PSEN1: variants seen among roughly 807,000 people sequenced by gnomAD.
PSEN1 encodes the protein presenilin-1.
In PSEN1, 15 loss-of-function variants were observed where a neutral mutation model predicts 53.5. That is an observed-to-expected ratio of 0.28 (90% CI 0.19 to 0.43). The LOEUF (loss-of-function observed/expected upper bound fraction) is 0.43. PSEN1 is among the 20% of genes least tolerant of loss of function. PSEN1 has a pLI of 1.00. For missense variants in PSEN1, 387 were observed against 571.2 expected (o/e 0.68, Z 3.29); for synonymous variants, 208 against 209.8 (o/e 0.99, Z 0.08).
intron 1 of PSEN1, among the ~76,000 whole-genome samples, chr14:73,138,517 C>T (rs1397423892): frequency 6.6e-6 from 1 of 151,628 alleles, no homozygotes; most frequent in African/African-American, 2.4e-5. Flanking sequence ...CCCTGCCCGG[C>T]CGGCTATTTA....
In PSEN1 at chr14:73,147,135, G is replaced by A. The variant is rs567210692; in HGVS notation, c.-135-660G>A. On this transcript the variant is annotated intron_variant, in intron 1 of 11. Coordinates refer to ENST00000324501, the MANE Select transcript of PSEN1 (RefSeq NM_000021.4). ...TGAGTAGCTGGGATTACAGATGCGC[G>A]CCACCACACCCGGCTAATTTTTGTA... Among the ~76,000 whole-genome samples the A allele has an allele frequency of 2.0e-5, 3 of 151,134 alleles. No homozygotes were observed. In the South Asian group the frequency reaches 6.3e-4, roughly 32 times the overall value.
intron 3 of PSEN1, among the ~76,000 whole-genome samples, chr14:73,155,598 G>A (rs1897331854): frequency 1.3e-5 from 2 of 151,994 alleles, no homozygotes; most frequent in African/African-American, 4.8e-5. Flanking sequence ...GTAAGTCCTG[G>A]GCTCAAGTGA....
rs1051122398 is a variant in PSEN1, at chr14:73,221,410, T to A, written c.*2121T>A. On this transcript the variant is annotated 3_prime_UTR_variant, in exon 12 of 12. Coordinates refer to ENST00000324501, the MANE Select transcript of PSEN1 (RefSeq NM_000021.4). The stretch of plus-strand genomic sequence containing the variant: ...TATTTGTGTAAGGATCCCAAATGTG[T>A]TGCACCTTTCATGATACATTTCTTC... 6.6e-6 allele frequency: 1 copy of A among 152,188 alleles called. No homozygotes were observed. Among genetic ancestry groups the A allele is most frequent in the African/African-American group, 2.4e-5 (1 of 41,446 alleles). The allele number at this position is 152,188 out of a possible 1,614,324, so 9.4% of individuals were successfully genotyped here. A position where few individuals can be genotyped will look rare whatever the true frequency, so the allele number is the denominator to read the frequency against.
chr14:73,201,870 C>T (rs866643382), intron 8 of PSEN1, among the ~76,000 whole-genome samples: 9 of 152,016 alleles, frequency 5.9e-5, no homozygotes, highest in African/African-American at 1.4e-4. Context: ...TCTCAGCCTC[C>T]GGAGTAGCTG....
chr14:73,193,697 C>T (rs1273795676), intron 7 of PSEN1, among the ~76,000 whole-genome samples: 1 of 151,778 alleles, frequency 6.6e-6, no homozygotes, highest in African/African-American at 2.4e-5. Flanking sequence ...TGCTGTGTCA[C>T]CCAGGCTGGG....
chr14:73,152,601 G>A (rs1835185465), intron 3 of PSEN1, among the ~76,000 whole-genome samples: 1 of 151,502 alleles, frequency 6.6e-6, no homozygotes, highest in Non-Finnish European at 1.5e-5. Flanking sequence ...GAGTGAGGCT[G>A]TCTCAAAAAA....
chr14:73,203,771 AGAAGG>A (rs1899328762), intron 8 of PSEN1, among the ~76,000 whole-genome samples: 1 of 152,200 alleles, frequency 6.6e-6, no homozygotes, highest in South Asian at 2.1e-4. Flanking sequence ...GAGCTTAACT[AGAAGG>A]GAAACTAACA....
intron 5 of PSEN1, among the ~76,000 whole-genome samples, chr14:73,182,283 C>T (rs1898240502): frequency 6.6e-6 from 1 of 151,732 alleles, no homozygotes; most frequent in Admixed American, 6.6e-5. Context: ...AGTTCAAAAC[C>T]AGCTTGGGCA....
chr14:73,199,205 TG>T (rs1899078307), intron 8 of PSEN1, among the ~76,000 whole-genome samples: 1 of 152,144 alleles, frequency 6.6e-6, no homozygotes. Flanking sequence ...TACTAGAGCT[TG>T]GGAAAAAGTT....
rs1351835863 is a variant in PSEN1, at chr14:73,222,872, C to G, written c.*3583C>G. On this transcript the variant is annotated 3_prime_UTR_variant, in exon 12 of 12. Coordinates refer to ENST00000324501, the MANE Select transcript of PSEN1 (RefSeq NM_000021.4). ...TTATGTCTATAAGGAACAGTTTGACCTGCCCTTCTCCTCACCTCCTCACCT... is the reference window on the plus strand; with the variant it reads ...TTATGTCTATAAGGAACAGTTTGACGTGCCCTTCTCCTCACCTCCTCACCT... The G allele has an allele frequency of 6.6e-6, 1 of 152,164 alleles. No individual in the cohort carries two copies. Among genetic ancestry groups the G allele is most frequent in the Admixed American group, 6.5e-5 (1 of 15,286 alleles). 9.4% of individuals were successfully genotyped at this position (152,164 alleles called of 1,614,324 possible).
At chr14:73,164,828 T>C (rs1419843714) in intron 3 of PSEN1, among the ~76,000 whole-genome samples, 1 of 152,266 alleles carries the variant, frequency 6.6e-6, no homozygotes, top group Non-Finnish European at 1.5e-5. Context: ...TGGAGTACCC[T>C]ATGCAATACT....
At chr14:73,201,552 G>A (rs961385486) in intron 8 of PSEN1, among the ~76,000 whole-genome samples, 2 of 152,220 alleles carry the variant, frequency 1.3e-5, no homozygotes, top group African/African-American at 4.8e-5. Context: ...GTGCATGCAT[G>A]TCTCTGTGTT....
chr14:73,207,913 G>A (rs915866815), intron 9 of PSEN1, among the ~76,000 whole-genome samples: 4 of 152,256 alleles, frequency 2.6e-5, no homozygotes, highest in African/African-American at 7.2e-5. Flanking sequence ...GCTCCCTGCT[G>A]CAGCTAGACC....
At chr14:73,138,678 A>C (rs955375989) in intron 1 of PSEN1, among the ~76,000 whole-genome samples, 9 of 151,412 alleles carry the variant, frequency 5.9e-5, no homozygotes, top group Admixed American at 1.3e-4. Flanking sequence ...AGGTAAAAAA[A>C]GGCCGAGCGC....
intron 3 of PSEN1, among the ~76,000 whole-genome samples, chr14:73,169,755 C>T (rs915635599): frequency 3.9e-5 from 6 of 151,924 alleles, no homozygotes; most frequent in African/African-American, 1.5e-4. Context: ...AGGTGATTCT[C>T]CTGCCGTAGC....
At chr14:73,173,043 TG>T (rs1897937366) in intron 4 of PSEN1, among the ~76,000 whole-genome samples, 2 of 152,130 alleles carry the variant, frequency 1.3e-5, no homozygotes, top group South Asian at 2.1e-4. Flanking sequence ...TCTTTTTGGC[TG>T]GGAATATTGG....
chr14:73,202,417 A>C (rs1899227778), intron 8 of PSEN1, among the ~76,000 whole-genome samples: 1 of 60,526 alleles, frequency 1.7e-5, no homozygotes, highest in South Asian at 7.0e-4. Flanking sequence ...TCTATCACAT[A>C]CTATATATAT....
At chr14:73,187,458 C>T (rs1031321236) in intron 6 of PSEN1, among the ~76,000 whole-genome samples, 4 of 151,972 alleles carry the variant, frequency 2.6e-5, no homozygotes, top group Middle Eastern at 3.2e-3. Flanking sequence ...CTCTTAAATT[C>T]GAAGAGGCAG....
At chr14:73,173,480 A>G (rs912757628) in intron 4 of PSEN1, 86 bp from the exon 5 acceptor site, 1 of 1,394,640 alleles carries the variant, frequency 7.2e-7, no homozygotes, top group Non-Finnish European at 1.0e-6. Context: ...GAATTAAGAA[A>G]AAGAAAATTC....
Sources: allele counts gnomAD v4.1 joint callset (sites outside exome capture counted in the v4.1 genomes callset), GRCh38; gene constraint gnomAD v4.1.1; transcripts MANE v1.5; gene names NCBI Gene and HGNC (gene_info 2026-07-23, HGNC 2026-07-21).